SLC39A14: variants seen among roughly 807,000 people sequenced by gnomAD.
SLC39A14 encodes solute carrier family 39 member 14, also known as metal cation symporter ZIP14.
SLC39A14 carries 19 observed loss-of-function variants against 45.5 expected under a neutral mutation model. The observed-to-expected ratio is 0.42, with a 90% CI of 0.29 to 0.61. The LOEUF is 0.61. Ranked by LOEUF, SLC39A14 falls within the 20% of genes least tolerant of loss-of-function variation. The pLI is 0.22. For synonymous variants in SLC39A14, 264 were observed against 251.3 expected (o/e 1.05, Z -0.48); for missense variants, 447 against 616.5 (o/e 0.73, Z 2.91).
chr8:22,389,528 T>A (rs947686250), intron 1 of SLC39A14, among the ~76,000 whole-genome samples: 2 of 152,148 alleles, frequency 1.3e-5, no homozygotes, highest in Non-Finnish European at 2.9e-5. Context: ...CCACTGAGGC[T>A]TGGCTTCTGG....
rs1836268322 is a variant in SLC39A14 at position 22,422,261 on chromosome 8, G to C, written c.*2563G>C. 1.0e-6 allele frequency: 1 copy of C among 985,418 alleles called. No homozygotes were observed. The highest frequency in any genetic ancestry group is 1.2e-6 in the Non-Finnish European group (1 of 829,904). 61.0% of individuals were successfully genotyped at this position (985,418 alleles called of 1,614,324 possible). ...TGTCACGTGCAGGAACAGTGAGGCA[G>C]GGACAGGGGTTCTGCTCCTTCTCAC... On this transcript the variant is annotated 3_prime_UTR_variant, in exon 9 of 9. Transcript: ENST00000381237.
chr8:22,371,736 A>G (rs1420183163), intron 1 of SLC39A14, among the ~76,000 whole-genome samples: 1 of 119,334 alleles, frequency 8.4e-6, no homozygotes, highest in Non-Finnish European at 1.7e-5. Flanking sequence ...CAGCCAAATC[A>G]TATCTTTTAT....
At chr8:22,408,542 C>A (rs779515680) in intron 3 of SLC39A14, 46 bp downstream of exon 3, 19 of 1,549,996 alleles carry the variant, frequency 1.2e-5, no homozygotes, top group Non-Finnish European at 1.7e-5. Context: ...ATCTCGCCCG[C>A]GTCTCACAAG....
intron 2 of SLC39A14, among the ~76,000 whole-genome samples, chr8:22,405,659 T>C (rs17060826): frequency 0.31 from 47,295 of 151,768 alleles, 10,144 homozygotes; most frequent in African/African-American, 0.62. Context: ...ATTGACAGAG[T>C]CCATTACACA....
At chr8:22,428,605 C>T (rs1836423392) in intron 8 of SLC39A14, among the ~76,000 whole-genome samples, 1 of 151,578 alleles carries the variant, frequency 6.6e-6, no homozygotes, top group Non-Finnish European at 1.5e-5. Context: ...ACCACACCCA[C>T]CTAATTTTTG....
At chr8:22,372,065 A>G (rs1832970500) in intron 1 of SLC39A14, among the ~76,000 whole-genome samples, 1 of 152,118 alleles carries the variant, frequency 6.6e-6, no homozygotes, top group Non-Finnish European at 1.5e-5. Flanking sequence ...TCTTTAAAAC[A>G]TGTATGTATT....
At position 22,404,905 on chromosome 8, in the gene SLC39A14, A is replaced by G. The variant is rs2293144; in HGVS notation, c.195A>G (p.Leu65=). Residue 65 remains leucine, a synonymous_variant, in exon 2 of 9, where the codon CTA becomes CTG. Transcript: ENST00000381237. ...TCACTCTGCAGCAGCTGAAGGCCCT[A>G]CTCAACCACCTGGATGTGGGAGTGG... ...DSLTLQQLKA[L]LNHLDVGVGR... The G allele has an allele frequency of 0.5, 814,301 of 1,613,560 alleles. 211,717 individuals are homozygous for G. The highest frequency in any genetic ancestry group is 0.79 in the African/African-American group (59,380 of 74,958).
At chr8:22,416,472 C>T (rs1475885537) in intron 7 of SLC39A14, among the ~76,000 whole-genome samples, 192 bp downstream of exon 7, 8 of 152,066 alleles carry the variant, frequency 5.3e-5, no homozygotes, top group African/African-American at 7.2e-5. Context: ...TTGCCCAGGC[C>T]GGAGTGCAGT....
intron 1 of SLC39A14, among the ~76,000 whole-genome samples, chr8:22,368,524 T>G (rs1002693642): frequency 6.8e-4 from 25 of 36,544 alleles, no homozygotes; most frequent in Middle Eastern, 8.8e-3. Flanking sequence ...TTATTTTATT[T>G]TATTTTATTT....
At chr8:22,382,940 A>G (rs1255181963) in intron 1 of SLC39A14, among the ~76,000 whole-genome samples, 1 of 151,090 alleles carries the variant, frequency 6.6e-6, no homozygotes, top group Non-Finnish European at 1.5e-5. Context: ...TTAGTCTCAA[A>G]CTCCTGGGCT....
chr8:22,422,010 A>C lies in SLC39A14; in HGVS notation c.*2312A>C. ...GGGGCGGAGACGCTCACATCGTCTG[A>C]CTTGAGTCGCCACTGATTGTGGCAA... On this transcript the variant is annotated 3_prime_UTR_variant, in exon 9 of 9. Transcript: ENST00000381237. 2 of 985,426 alleles carry C rather than the reference A, an allele frequency of 2.0e-6. No individual in the cohort carries two copies. Among genetic ancestry groups the C allele is most frequent in the Non-Finnish European group, 2.4e-6 (2 of 829,938 alleles). 61.0% of individuals were successfully genotyped at this position (985,426 alleles called of 1,614,324 possible). A position where few individuals can be genotyped will look rare whatever the true frequency, so the allele number is the denominator to read the frequency against.
At chr8:22,434,052 G>T in exon 9 of SLC39A14, 1 of 209,274 alleles carries the variant, frequency 4.8e-6, no homozygotes, top group South Asian at 5.0e-5. Flanking sequence ...GTATATATAT[G>T]GTTATATTTT....
chr8:22,388,805 G>A (rs575024675), intron 1 of SLC39A14, among the ~76,000 whole-genome samples: 4 of 152,308 alleles, frequency 2.6e-5, no homozygotes, highest in Non-Finnish European at 4.4e-5. Flanking sequence ...TGGACAGCCC[G>A]AGGGAGAATG....
chr8:22,425,889 G>GTTTTTTTTTTTTTTT (rs549782856), downstream of SLC39A14, among the ~76,000 whole-genome samples: 1 of 76,318 alleles, frequency 1.3e-5, no homozygotes, highest in Admixed American at 1.6e-4. Flanking sequence ...GATGGTTTTT[G>GTTTTTTTTTTTTTTT]TTTTTTTTTT....
chr8:22,394,480 C>T (rs376735714), intron 1 of SLC39A14, among the ~76,000 whole-genome samples: 36 of 151,826 alleles, frequency 2.4e-4, no homozygotes, highest in Admixed American at 1.1e-3. Flanking sequence ...CCACCACGCC[C>T]GGCTAATTTT....
At chr8:22,378,300 C>G (rs914838312) in intron 1 of SLC39A14, among the ~76,000 whole-genome samples, 11 of 152,150 alleles carry the variant, frequency 7.2e-5, no homozygotes, top group African/African-American at 2.7e-4. Context: ...ACCCGTTTAT[C>G]ATTTCTCAAT....
At chr8:22,397,558 A>G (rs1344108562) in intron 1 of SLC39A14, among the ~76,000 whole-genome samples, 2 of 151,816 alleles carry the variant, frequency 1.3e-5, no homozygotes, top group African/African-American at 4.8e-5. Flanking sequence ...GGCCTGGGCG[A>G]AAGAGCGGGC....
intron 1 of SLC39A14, among the ~76,000 whole-genome samples, chr8:22,383,523 C>T (rs553002203): frequency 5.9e-5 from 9 of 152,220 alleles, no homozygotes; most frequent in Non-Finnish European, 1.3e-4. Context: ...GAACAGTCTG[C>T]ACTCTCTGTC....
In SLC39A14 at chr8:22,404,947, C is replaced by G. The variant is rs1835125068; in HGVS notation, c.237C>G (p.Thr79=). 1.9e-6 allele frequency: 3 copies of G among 1,614,018 alleles called. No homozygotes were observed. Among genetic ancestry groups the G allele is most frequent in the Non-Finnish European group, 2.5e-6 (3 of 1,180,034 alleles). ...LDVGVGRGNV[T]QHVQGHRNLS... ...TGGGAGTGGGCCGGGGTAATGTCAC[C>G]CAGCACGTGCAAGGACACAGGAACC... is the stretch of plus-strand genomic sequence containing the variant. The change falls in exon 2 of 9, where the codon ACC becomes ACG. Residue 79 remains threonine, a synonymous_variant. Coordinates refer to ENST00000381237, the MANE Select transcript of SLC39A14 (RefSeq NM_001128431.4).
Sources: allele counts gnomAD v4.1 joint callset (sites outside exome capture counted in the v4.1 genomes callset), GRCh38; gene constraint gnomAD v4.1.1; transcripts MANE v1.5; gene names NCBI Gene and HGNC (gene_info 2026-07-23, HGNC 2026-07-21).